The following SYNRG variants were observed in gnomAD, a reference collection of about 807,000 sequenced individuals.
SYNRG encodes AP1 gamma subunit binding protein 1.
In SYNRG, 37 loss-of-function variants were observed where a neutral mutation model predicts 130.9. The ratio of observed to expected loss-of-function variants is 0.28; its 90% CI spans 0.22 to 0.37. The LOEUF is 0.37. Ranked by LOEUF, SYNRG falls within the 10% of genes least tolerant of loss-of-function variation. The pLI, the probability that SYNRG is intolerant of heterozygous loss-of-function variation, is 1.00. For synonymous variants in SYNRG, 539 were observed against 568.1 expected (o/e 0.95, Z 0.73); for missense variants, 1,338 against 1,588.9 (o/e 0.84, Z 2.68).
chr17:37,570,617 T>C lies in SYNRG; in HGVS notation c.1347+20A>G. 1 of 1,601,848 alleles carries C rather than the reference T, an allele frequency of 6.2e-7. No homozygotes were observed. The highest frequency in any genetic ancestry group is 8.5e-7 in the Non-Finnish European group (1 of 1,173,388). On this transcript the variant is annotated intron_variant, in intron 10 of 21. Coordinates refer to ENST00000612223, the MANE Select transcript of SYNRG (RefSeq NM_007247.6). The stretch of plus-strand genomic sequence containing the variant: ...TCACTTTCAGTGATTATCTGAAATA[T>C]GCACAGCTTCGCCATTTACCTGATT...
chr17:37,590,933 T>A (rs755255951), intron 3 of SYNRG, among the ~76,000 whole-genome samples: 6 of 151,966 alleles, frequency 3.9e-5, no homozygotes, highest in Non-Finnish European at 8.8e-5. Context: ...ACGAGAACTA[T>A]AAACACCGAA....
At chr17:37,550,601 C>G (rs1421077987) in intron 14 of SYNRG, among the ~76,000 whole-genome samples, 1 of 150,702 alleles carries the variant, frequency 6.6e-6, no homozygotes, top group African/African-American at 2.4e-5. Context: ...AATAAGCATG[C>G]AGATCAGTAT....
chr17:37,585,088 T>C (rs1228107781), intron 5 of SYNRG, among the ~76,000 whole-genome samples: 2 of 152,254 alleles, frequency 1.3e-5, no homozygotes, highest in Non-Finnish European at 2.9e-5. Context: ...AACATTGCCA[T>C]GATACTAAAA....
intron 12 of SYNRG, 49 bp downstream of exon 12, chr17:37,561,422 T>G (rs775102023): frequency 2.3e-5 from 35 of 1,506,738 alleles, no homozygotes; most frequent in Middle Eastern, 1.7e-4. Flanking sequence ...ACAATTTAAA[T>G]AGTATGCAAT....
At chr17:37,548,536 G>C (rs997195598) in intron 14 of SYNRG, among the ~76,000 whole-genome samples, 3 of 152,110 alleles carry the variant, frequency 2.0e-5, no homozygotes, top group African/African-American at 7.2e-5. Flanking sequence ...TCTTCTTCTA[G>C]GCCGGGTGTG....
chr17:37,573,172 G>A (rs1417826543), intron 8 of SYNRG, among the ~76,000 whole-genome samples: 1 of 152,108 alleles, frequency 6.6e-6, no homozygotes, highest in Non-Finnish European at 1.5e-5. Flanking sequence ...GGGATGCTGA[G>A]GTGGGCGGGT....
chr17:37,573,653 C>CT (rs1242245102), intron 8 of SYNRG, among the ~76,000 whole-genome samples: 1 of 152,052 alleles, frequency 6.6e-6, no homozygotes, highest in Non-Finnish European at 1.5e-5. Flanking sequence ...ATTGTACATA[C>CT]TATTTTGGTA....
At chr17:37,602,968 G>C (rs1220568453) in intron 1 of SYNRG, among the ~76,000 whole-genome samples, 1 of 152,196 alleles carries the variant, frequency 6.6e-6, no homozygotes, top group Non-Finnish European at 1.5e-5. Flanking sequence ...AGGTTGCAGT[G>C]AGCTGAGATT....
chr17:37,598,462 A>C (rs1394661023), intron 2 of SYNRG, among the ~76,000 whole-genome samples: 1 of 152,246 alleles, frequency 6.6e-6, no homozygotes, highest in African/African-American at 2.4e-5. Context: ...CTTTGGACTT[A>C]AAGTTTTATT....
intron 14 of SYNRG, among the ~76,000 whole-genome samples, chr17:37,544,542 T>G (rs1396696021): frequency 6.6e-6 from 1 of 152,156 alleles, no homozygotes; most frequent in South Asian, 2.1e-4. Context: ...CTTGAACTCC[T>G]GACTTCAGGT....
intron 18 of SYNRG, chr17:37,537,092 C>G (rs953012043): frequency 2.0e-5 from 3 of 152,252 alleles, no homozygotes; most frequent in African/African-American, 7.2e-5. Flanking sequence ...TGCCCCATTT[C>G]CTGGTGGACA....
chr17:37,542,622 A>G (rs1430212911), intron 14 of SYNRG, 57 bp from the exon 15 acceptor site: 1 of 1,413,214 alleles, frequency 7.1e-7, no homozygotes, highest in Non-Finnish European at 9.7e-7. Context: ...AAAATGCCCT[A>G]AACTCTGTAG....
intron 14 of SYNRG, among the ~76,000 whole-genome samples, chr17:37,543,666 C>A (rs1395230172): frequency 2.0e-5 from 3 of 152,198 alleles, no homozygotes; most frequent in Non-Finnish European, 4.4e-5. Flanking sequence ...AGTGTCTGCT[C>A]AGCATAGGTG....
chr17:37,560,940 C>T (rs918790313), intron 13 of SYNRG, among the ~76,000 whole-genome samples: 3 of 152,240 alleles, frequency 2.0e-5, no homozygotes, highest in African/African-American at 7.2e-5. Context: ...GCTGGGATTA[C>T]AGGCGTGAGC....
chr17:37,529,888 G>A (rs1372166631), intron 19 of SYNRG: 28 of 1,542,432 alleles, frequency 1.8e-5, no homozygotes, highest in Non-Finnish European at 2.5e-5. Flanking sequence ...TTTGGGGGTT[G>A]TATAGAAATC....
chr17:37,607,688 C>T (rs546341431), intron 1 of SYNRG, among the ~76,000 whole-genome samples: 48 of 152,216 alleles, frequency 3.2e-4, no homozygotes, highest in African/African-American at 1.2e-3. Context: ...ACTTGGGAGG[C>T]TGAGGCAGAA....
rs772602702 is a variant in SYNRG, at chr17:37,541,953, T to A, written c.3202+19A>T. 1.3e-6 allele frequency: 2 copies of A among 1,594,590 alleles called. No individual in the cohort carries two copies. Among genetic ancestry groups the A allele is most frequent in the South Asian group, 1.1e-5 (1 of 89,910 alleles). On this transcript the variant is annotated intron_variant, in intron 15 of 21. Coordinates refer to ENST00000612223, the MANE Select transcript of SYNRG (RefSeq NM_007247.6). ...GGAAAAAAACCACAATAGTAAAATC[T>A]ACCTTGGAAGCTACTCACCTTGAAC...
At chr17:37,525,941 G>A (rs2055845737) in intron 19 of SYNRG, among the ~76,000 whole-genome samples, 1 of 152,184 alleles carries the variant, frequency 6.6e-6, no homozygotes, top group African/African-American at 2.4e-5. Flanking sequence ...ACTCCAGCCT[G>A]GGCAACAGAG....
chr17:37,570,933 C>T (rs761686035), intron 9 of SYNRG, 48 bp from the exon 10 acceptor site: 15 of 1,555,648 alleles, frequency 9.6e-6, no homozygotes, highest in East Asian at 2.3e-5. Context: ...AAACCACATA[C>T]GGTCGAAATC....
Sources: allele counts gnomAD v4.1 joint callset (sites outside exome capture counted in the v4.1 genomes callset), GRCh38; gene constraint gnomAD v4.1.1; transcripts MANE v1.5; gene names NCBI Gene and HGNC (gene_info 2026-07-23, HGNC 2026-07-21).